Variants in NEK9 observed in about 807,000 individuals in gnomAD.
NEK9 encodes NIMA related kinase 9, also known as serine/threonine-protein kinase Nek9.
A neutral mutation model predicts 123.4 loss-of-function variants in NEK9; 75 were observed. The observed-to-expected ratio is 0.61, with a 90% CI of 0.50 to 0.74. The LOEUF (loss-of-function observed/expected upper bound fraction) is 0.74, where lower values mean the gene tolerates loss of function less well. Among genes scored for constraint, NEK9 ranks in the 30% least tolerant of loss-of-function variants. NEK9 has a pLI of 0.00. For synonymous variants in NEK9, 438 were observed against 458.7 expected, an observed-to-expected ratio of 0.95 and a Z score of 0.58; for missense variants, 952 against 1,214.4, an observed-to-expected ratio of 0.78 and a Z score of 3.21.
intron 4 of NEK9, among the ~76,000 whole-genome samples, chr14:75,119,221 G>A (rs1179535466): frequency 1.3e-5 from 2 of 152,008 alleles, no homozygotes; most frequent in Non-Finnish European, 2.9e-5. Flanking sequence ...TTAAAGCACC[G>A]AGAATCAGTT....
rs1477450092 is a variant in NEK9, at chr14:75,118,837, G to A, written c.623C>T (p.Ala208Val). The change falls in exon 5 of 22, where the codon GCT becomes GTT. Residue 208 changes from alanine (A) to valine (V), a missense_variant. Ala to Val is a moderately conservative substitution (Grantham distance 64, BLOSUM62 0). Transcript: ENST00000238616. Reference sequence around the variant, plus strand: ...GACAAGGGCAACACATACCGTCTCAGCCATGGAATACTCAGAATTAAGTTT... The same window carrying A: ...GACAAGGGCAACACATACCGTCTCAACCATGGAATACTCAGAATTAAGTTT... ...AKKLNSEYSM[A>V]ETLVGTPYYM... 1 of 1,579,814 alleles carries A rather than the reference G, an allele frequency of 6.3e-7. No homozygotes were observed. Among genetic ancestry groups the A allele is most frequent in the East Asian group, 2.2e-5 (1 of 44,734 alleles).
chr14:75,117,600 G>C (rs1895183807), intron 5 of NEK9, among the ~76,000 whole-genome samples: 1 of 152,164 alleles, frequency 6.6e-6, no homozygotes, highest in South Asian at 2.1e-4. Flanking sequence ...CTAGATCACA[G>C]AGGCTTCAGG....
At chr14:75,120,891 C>A in intron 3 of NEK9, 1 of 636,126 alleles carries the variant, frequency 1.6e-6, no homozygotes, top group Middle Eastern at 4.0e-4. Context: ...GTAATAGAAC[C>A]AGGAAAGAAA....
At chr14:75,125,443 C>T (rs764817703) in intron 1 of NEK9, among the ~76,000 whole-genome samples, 2 of 152,110 alleles carry the variant, frequency 1.3e-5, no homozygotes, top group Non-Finnish European at 2.9e-5. Context: ...TCAAATTTAA[C>T]TCAAAACCAA....
intron 2 of NEK9, among the ~76,000 whole-genome samples, chr14:75,121,605 T>C (rs758466184): frequency 6.6e-6 from 1 of 152,194 alleles, no homozygotes; most frequent in Non-Finnish European, 1.5e-5. Flanking sequence ...TCCCAGCACT[T>C]TGGGAGGCTG....
chr14:75,081,788 T>A lies in NEK9; in HGVS notation c.*2776A>T, dbSNP rs1893874629. On this transcript the variant is annotated 3_prime_UTR_variant, in exon 22 of 22. Transcript: ENST00000238616. This position sits in a 1 kb window ranked among gnomAD's most constrained non-coding sequence, Gnocchi z 4.2. ...CAAACCATAAACTGGCATTATCACT[T>A]GGAAAGGCCCCCACTGAGACTGAGG... 6.6e-6 allele frequency: 1 copy of A among 152,214 alleles called. No individual in the cohort carries two copies. The highest frequency in any genetic ancestry group is 1.5e-5 in the Non-Finnish European group (1 of 68,036). 9.4% of individuals were successfully genotyped at this position (152,214 alleles called of 1,614,324 possible). A position where few individuals can be genotyped will look rare whatever the true frequency, so the allele number is the denominator to read the frequency against.
chr14:75,100,900 GCTATACAAATAA>G, intron 16 of NEK9, 80 bp downstream of exon 16: 1 of 1,268,798 alleles, frequency 7.9e-7, no homozygotes, highest in South Asian at 1.4e-5. Flanking sequence ...CCACAATTCA[GCTATACAAATAA>G]CTAGTCCATT....
Position 75,097,085 on chromosome 14 carries a change from A to AT in NEK9, c.2173+14dup, listed in dbSNP as rs1491263275. ...TGTCAAAGCCATCCCAACCCCAGAC[A>AT]TATGAAACTCTTACCAACGATGAGA... On this transcript the variant is annotated intron_variant, in intron 17 of 21. Coordinates refer to ENST00000238616, the MANE Select transcript of NEK9 (RefSeq NM_033116.6). 6.3e-7 allele frequency: 1 copy of AT among 1,590,832 alleles called. No homozygotes were observed. Among genetic ancestry groups the AT allele is most frequent in the Admixed American group, 1.7e-5 (1 of 57,426 alleles).
intron 15 of NEK9, 35 bp from the exon 16 acceptor site, chr14:75,101,188 A>G (rs1398385831): frequency 6.3e-7 from 1 of 1,594,756 alleles, no homozygotes; most frequent in Non-Finnish European, 8.5e-7. Flanking sequence ...ACAAGGCACA[A>G]ATGAGTCCTG....
At chr14:75,089,554 G>T (rs1894142222) in intron 19 of NEK9, among the ~76,000 whole-genome samples, 1 of 150,630 alleles carries the variant, frequency 6.6e-6, no homozygotes. Context: ...TTTATTTTTT[G>T]AGATGGAGTC....
At chr14:75,119,045 G>A (rs970788074) in intron 4 of NEK9, 110 bp from the exon 5 acceptor site, 2 of 671,366 alleles carry the variant, frequency 3.0e-6, no homozygotes, top group African/African-American at 1.8e-5. Context: ...GCCGGGTACA[G>A]TGGCTCACAT....
At chr14:75,086,062 G>A (rs926875349) in intron 21 of NEK9, among the ~76,000 whole-genome samples, 7 of 151,730 alleles carry the variant, frequency 4.6e-5, no homozygotes, top group Non-Finnish European at 8.8e-5. Context: ...GGTGGTAAGC[G>A]TCTATAGTCC....
intron 2 of NEK9, among the ~76,000 whole-genome samples, chr14:75,121,973 TTAGGGTCTAC>T (rs1360221863): frequency 6.6e-6 from 1 of 152,248 alleles, no homozygotes; most frequent in Non-Finnish European, 1.5e-5. Context: ...TTCCCAAAAT[TTAGGGTCTAC>T]CCCTAGACTG....
intron 17 of NEK9, 145 bp from the exon 18 acceptor site, chr14:75,095,576 A>T (rs1283515248): frequency 1.8e-6 from 1 of 544,982 alleles, no homozygotes; most frequent in Non-Finnish European, 3.3e-6. Context: ...TTAGTATCAT[A>T]AGCTAAGCAC....
rs61745420 is a variant in NEK9, at chr14:75,084,618, T to C, written c.2886A>G (p.Leu962=). 6.2e-7 allele frequency: 1 copy of C among 1,614,074 alleles called. No homozygotes were observed. The highest frequency in any genetic ancestry group is 1.3e-5 in the African/African-American group (1 of 74,918). The change falls in exon 22 of 22, where the codon TTA becomes TTG. Residue 962 remains leucine, a synonymous_variant. Transcript: ENST00000238616. ...CCAGGAGGCACCAGGAATCTGAATC[T>C]AAGTCAGGCTTTGGATCCATTTCCA... The part of the protein sequence containing the change: ...EEMEMDPKPD[L]DSDSWCLLGT...
intron 16 of NEK9, 91 bp downstream of exon 16, chr14:75,100,901 C>T: frequency 7.9e-7 from 1 of 1,273,500 alleles, no homozygotes; most frequent in Non-Finnish European, 1.1e-6. Flanking sequence ...CACAATTCAG[C>T]TATACAAATA....
chr14:75,084,406 C>A lies in NEK9; in HGVS notation c.*158G>T. On this transcript the variant is annotated 3_prime_UTR_variant, in exon 22 of 22. Transcript: ENST00000238616. ...CCTAGATCCTATCTAAAAGGCAATG[C>A]CACTCTCCAAATGTACAAGGAAAGT... 1 of 809,408 alleles carries A rather than the reference C, an allele frequency of 1.2e-6. No homozygotes were observed. Among genetic ancestry groups the A allele is most frequent in the Non-Finnish European group, 2.0e-6 (1 of 501,086 alleles). The allele number at this position is 809,408 out of a possible 1,614,324, so 50.1% of individuals were successfully genotyped here. A position where few individuals can be genotyped will look rare whatever the true frequency, so the allele number is the denominator to read the frequency against.
rs529414832 is a variant in NEK9 at position 75,111,587 on chromosome 14, T to C, written c.939-1216A>G. Among the ~76,000 whole-genome samples the C allele has an allele frequency of 1.2e-4, 19 of 152,306 alleles. No homozygotes were observed. The South Asian group carries it at 3.5e-3, about 28-fold the overall frequency. On this transcript the variant is annotated intron_variant, in intron 8 of 21. Transcript: ENST00000238616. Reference sequence around the variant, plus strand: ...ACACTCAAGAAATAAGAGATTAAAATAGTGACTTAAAATAGTGATTATGCC... The same window carrying C: ...ACACTCAAGAAATAAGAGATTAAAACAGTGACTTAAAATAGTGATTATGCC...
chr14:75,099,782 C>CA (rs11446568), intron 16 of NEK9, among the ~76,000 whole-genome samples: 104,139 of 118,394 alleles, frequency 0.88, 46,069 homozygotes, highest in East Asian at 0.98. Flanking sequence ...GATTGTGTCT[C>CA]AAAAAAAAAA....
Sources: allele counts gnomAD v4.1 joint callset (sites outside exome capture counted in the v4.1 genomes callset), GRCh38; gene constraint gnomAD v4.1.1; non-coding constraint Gnocchi (gnomAD v3.1); transcripts MANE v1.5; gene names NCBI Gene and HGNC (gene_info 2026-07-23, HGNC 2026-07-21).